Variants in FRYL observed in about 807,000 individuals in gnomAD.
FRYL encodes protein furry homolog-like.
FRYL carries 150 observed loss-of-function variants against 351.2 expected under a neutral mutation model. The observed-to-expected ratio is 0.43, with a 90% confidence interval of 0.37 to 0.49. The LOEUF is 0.49. FRYL is among the 20% of genes least tolerant of loss of function. The pLI, the probability that FRYL is intolerant of heterozygous loss-of-function variation, is 0.00. For synonymous variants in FRYL, 1,153 were observed against 1,257.1 expected (o/e 0.92, Z 1.75); for missense variants, 3,036 against 3,619.3 (o/e 0.84, Z 4.13).
At position 48,619,333 on chromosome 4, in the gene FRYL, T is replaced by C; in HGVS notation, c.352A>G (p.Arg118Gly). 1 of 1,598,102 alleles carries C rather than the reference T, an allele frequency of 6.3e-7. No homozygotes were observed. ...QQRERDYLLE[R>G]RDLAVDFIFC... Reference sequence around the variant, plus strand: ...ATGAAGTCTACTGCTAAGTCCCTCCTTTCAAGAAGATAATCTCTTTCACGT... The same window carrying C: ...ATGAAGTCTACTGCTAAGTCCCTCCCTTCAAGAAGATAATCTCTTTCACGT... Residue 118 changes from arginine (R) to glycine (G), a missense_variant, in exon 7 of 64, where the codon AGG becomes GGG. Transcript: ENST00000358350.
chr4:48,745,616 G>A (rs1424470868), intron 1 of FRYL, among the ~76,000 whole-genome samples: 2 of 152,084 alleles, frequency 1.3e-5, no homozygotes, highest in African/African-American at 2.4e-5. Context: ...GGTGGGGGGA[G>A]TGGGGAAGGA....
chr4:48,694,812 C>T (rs1052063257), intron 2 of FRYL, among the ~76,000 whole-genome samples: 2 of 152,172 alleles, frequency 1.3e-5, no homozygotes, highest in Admixed American at 6.5e-5. Flanking sequence ...TAGCTCACTC[C>T]TGTAATCTCA....
chr4:48,776,393 C>G (rs1301087847), intron 1 of FRYL, among the ~76,000 whole-genome samples: 1 of 152,208 alleles, frequency 6.6e-6, no homozygotes, highest in Non-Finnish European at 1.5e-5. Flanking sequence ...TAAATACACA[C>G]TTTCCAAACC....
chr4:48,681,924 T>C (rs1346887975), intron 3 of FRYL, among the ~76,000 whole-genome samples: 1 of 152,194 alleles, frequency 6.6e-6, no homozygotes, highest in Non-Finnish European at 1.5e-5. Flanking sequence ...TCCTACTGCT[T>C]TGATGTAATT....
chr4:48,536,272 G>T (rs1345888084), intron 47 of FRYL, among the ~76,000 whole-genome samples: 2 of 152,164 alleles, frequency 1.3e-5, no homozygotes, highest in Non-Finnish European at 2.9e-5. Context: ...TGTGCCCGGG[G>T]TATCTCAGTA....
rs76461772 is a variant in FRYL, at chr4:48,658,067, A to T, written c.-80-23577T>A. 8.0e-3 allele frequency among the ~76,000 whole-genome samples: 1,220 copies of T among 152,296 alleles called. 15 individuals carry two copies. The highest frequency in any genetic ancestry group is 0.028 in the African/African-American group (1,160 of 41,554). ...ACCAAAACCATACATACCAGGAAAAATTCTTAGTAAATCTCACAAAATATT... is the reference window on the plus strand; with the variant it reads ...ACCAAAACCATACATACCAGGAAAATTTCTTAGTAAATCTCACAAAATATT... On this transcript the variant is annotated intron_variant, in intron 3 of 63. Transcript: ENST00000358350.
intron 3 of FRYL, among the ~76,000 whole-genome samples, chr4:48,660,578 G>A (rs531894988): frequency 6.6e-6 from 1 of 152,342 alleles, no homozygotes; most frequent in Admixed American, 6.5e-5. Flanking sequence ...TGAGCTTCCA[G>A]GGTTGGCACC....
At chr4:48,500,580 A>C (rs1412858622) in intron 62 of FRYL, among the ~76,000 whole-genome samples, 2 of 152,184 alleles carry the variant, frequency 1.3e-5, no homozygotes, top group Non-Finnish European at 2.9e-5. Context: ...TATTTACCCC[A>C]GGGTATTTTT....
chr4:48,547,376 A>C, intron 41 of FRYL: 1 of 368,842 alleles, frequency 2.7e-6, no homozygotes, highest in Non-Finnish European at 4.8e-6. Context: ...CTCGATAAAG[A>C]TCGTTCGAGG....
chr4:48,594,897 C>G (rs1744283836), intron 15 of FRYL, among the ~76,000 whole-genome samples: 1 of 152,162 alleles, frequency 6.6e-6, no homozygotes, highest in Non-Finnish European at 1.5e-5. Flanking sequence ...ATAATCCTTC[C>G]TTTACTGCAG....
chr4:48,705,015 G>A (rs1767164441), intron 2 of FRYL, among the ~76,000 whole-genome samples: 1 of 151,654 alleles, frequency 6.6e-6, no homozygotes, highest in South Asian at 2.1e-4. Flanking sequence ...CAGCTACTCG[G>A]GTGGCTGAGG....
intron 1 of FRYL, among the ~76,000 whole-genome samples, chr4:48,732,945 A>T (rs1340997178): frequency 3.5e-5 from 5 of 143,374 alleles, no homozygotes; most frequent in African/African-American, 7.7e-5. Context: ...AAAAAAAAAG[A>T]AAGTAAGTAA....
At chr4:48,687,052 T>C (rs923134761) in intron 2 of FRYL, among the ~76,000 whole-genome samples, 2 of 152,198 alleles carry the variant, frequency 1.3e-5, no homozygotes, top group Non-Finnish European at 2.9e-5. Context: ...TGGGACCTTT[T>C]TCGTCTGTTT....
chr4:48,690,320 T>C (rs569218221), intron 2 of FRYL, among the ~76,000 whole-genome samples: 1 of 152,184 alleles, frequency 6.6e-6, no homozygotes, highest in Non-Finnish European at 1.5e-5. Context: ...ATTCCATTTG[T>C]ACTGCTCATG....
intron 55 of FRYL, among the ~76,000 whole-genome samples, chr4:48,518,849 T>C (rs769726887): frequency 7.9e-5 from 12 of 152,226 alleles, no homozygotes; most frequent in Non-Finnish European, 1.3e-4. Flanking sequence ...ATGAGACATA[T>C]TATTTACATT....
intron 3 of FRYL, among the ~76,000 whole-genome samples, chr4:48,677,145 C>T (rs1474018326): frequency 1.3e-5 from 2 of 152,162 alleles, no homozygotes; most frequent in Non-Finnish European, 2.9e-5. Flanking sequence ...AAATATTAGG[C>T]TACTTAACAT....
intron 4 of FRYL, 134 bp from the exon 5 acceptor site, chr4:48,623,313 TAAAG>T (rs927326406): frequency 6.9e-5 from 38 of 550,464 alleles, no homozygotes; most frequent in African/African-American, 6.4e-4. Flanking sequence ...TAGATTGTTT[TAAAG>T]AAAGATAAGC....
intron 3 of FRYL, among the ~76,000 whole-genome samples, chr4:48,652,902 A>C (rs1210276031): frequency 3.9e-5 from 6 of 152,190 alleles, no homozygotes; most frequent in Non-Finnish European, 8.8e-5. Context: ...TGGAAAAGTC[A>C]CAATTTTTCT....
At chr4:48,579,917 C>T (rs1290402323) in intron 22 of FRYL, among the ~76,000 whole-genome samples, 1 of 152,026 alleles carries the variant, frequency 6.6e-6, no homozygotes, top group Non-Finnish European at 1.5e-5. Flanking sequence ...GATGGATACA[C>T]TAACTACCCT....
Sources: allele counts gnomAD v4.1 joint callset (sites outside exome capture counted in the v4.1 genomes callset), GRCh38; gene constraint gnomAD v4.1.1; transcripts MANE v1.5; gene names NCBI Gene and HGNC (gene_info 2026-07-23, HGNC 2026-07-21).